AKAP13: variants seen among roughly 807,000 people sequenced by gnomAD.
AKAP13 encodes A-kinase anchor protein 13.
A neutral mutation model predicts 264.5 loss-of-function variants in AKAP13; 80 were observed. The ratio of observed to expected loss-of-function variants is 0.30; its 90% CI spans 0.25 to 0.36. The LOEUF (loss-of-function observed/expected upper bound fraction) is 0.36. AKAP13 is among the 10% of genes least tolerant of loss of function. The pLI, the probability that AKAP13 is intolerant of heterozygous loss-of-function variation, is 1.00. For synonymous variants in AKAP13, 1,380 were observed against 1,250.2 expected (o/e 1.10, Z -2.19); for missense variants, 3,712 against 3,435.2 (o/e 1.08, Z -2.01).
At chr15:85,526,785 C>G (rs1010239867) in intron 3 of AKAP13, among the ~76,000 whole-genome samples, 1 of 152,110 alleles carries the variant, frequency 6.6e-6, no homozygotes, top group African/African-American at 2.4e-5. Context: ...AACAGTCTCC[C>G]TATTCTGAAA....
chr15:85,731,762 T>G (rs1031071736), intron 30 of AKAP13, among the ~76,000 whole-genome samples: 1 of 152,120 alleles, frequency 6.6e-6, no homozygotes, highest in African/African-American at 2.4e-5. Flanking sequence ...GACCCATAGT[T>G]TTTATTATGG....
At chr15:85,410,552 A>G (rs998759887) in intron 1 of AKAP13, among the ~76,000 whole-genome samples, 19 of 151,402 alleles carry the variant, frequency 1.3e-4, no homozygotes, top group Non-Finnish European at 2.4e-4. Flanking sequence ...TTCCCTGGTC[A>G]TTAGTATATT....
rs1274736277 is a variant in AKAP13, at chr15:85,727,250, A to G, written c.7004+3A>G. ...ATTCAGGACACAATCAACACCCTGT[A>G]AGTTAACCACCAGGCCCCACCCTTC... On this transcript the variant is annotated splice_donor_region_variant and intron_variant, in intron 28 of 36. Coordinates refer to ENST00000394518, the MANE Select transcript of AKAP13 (RefSeq NM_007200.5). The surrounding 1 kb of genome is among the most constrained non-coding windows in gnomAD (Gnocchi z 5.3). The G allele has an allele frequency of 1.9e-6, 3 of 1,614,044 alleles. No homozygotes were observed. Among genetic ancestry groups the G allele is most frequent in the Middle Eastern group, 1.6e-4 (1 of 6,084 alleles).
chr15:85,464,100 G>A (rs932680417), intron 1 of AKAP13, among the ~76,000 whole-genome samples: 1 of 152,062 alleles, frequency 6.6e-6, no homozygotes, highest in Non-Finnish European at 1.5e-5. Flanking sequence ...TTCCCACACG[G>A]CGTCTATGAT....
Position 85,580,165 on chromosome 15 carries a change from C to T in AKAP13, c.2097C>T (p.Ser699=). The part of the protein sequence containing the change: ...ESESTTARQP[S]SQDPPDASHC... ...AAAGCACCACAGCAAGGCAACCCAGCTCACAAGATCCACCCGATGCCTCCC... is the reference window on the plus strand; with the variant it reads ...AAAGCACCACAGCAAGGCAACCCAGTTCACAAGATCCACCCGATGCCTCCC... Residue 699 remains serine (S), a synonymous_variant, in exon 7 of 37, where the codon AGC becomes AGT. Coordinates refer to ENST00000394518, the MANE Select transcript of AKAP13 (RefSeq NM_007200.5). 6.2e-7 allele frequency: 1 copy of T among 1,614,250 alleles called. No individual in the cohort carries two copies. Among genetic ancestry groups the T allele is most frequent in the Non-Finnish European group, 8.5e-7 (1 of 1,180,040 alleles).
chr15:85,471,133 T>C (rs1278736402), intron 1 of AKAP13, among the ~76,000 whole-genome samples: 3 of 152,176 alleles, frequency 2.0e-5, no homozygotes, highest in African/African-American at 7.2e-5. Flanking sequence ...TTCAACACAA[T>C]GACACAAAGC....
At chr15:85,535,530 A>G (rs907410323) in intron 4 of AKAP13, 25 of 152,330 alleles carry the variant, frequency 1.6e-4, no homozygotes, top group African/African-American at 5.5e-4. Context: ...CTCATGCCTT[A>G]TATAAACCTG....
At chr15:85,518,156 G>T (rs773339388) in intron 2 of AKAP13, among the ~76,000 whole-genome samples, 2 of 152,150 alleles carry the variant, frequency 1.3e-5, no homozygotes, top group South Asian at 4.1e-4. Context: ...ATTAATACCA[G>T]GGTATTCTTT....
intron 35 of AKAP13, 68 bp downstream of exon 35, chr15:85,741,563 A>G: frequency 6.7e-7 from 1 of 1,487,350 alleles, no homozygotes; most frequent in Non-Finnish European, 8.9e-7. Flanking sequence ...GTATTAAGCA[A>G]GGTAAGAAAG....
chr15:85,668,281 T>C (rs1485248913), intron 13 of AKAP13, among the ~76,000 whole-genome samples: 2 of 152,232 alleles, frequency 1.3e-5, no homozygotes, highest in Non-Finnish European at 2.9e-5. Flanking sequence ...GATTTTTCAC[T>C]GCTTCCCTTT....
intron 8 of AKAP13, among the ~76,000 whole-genome samples, chr15:85,612,328 T>C (rs1332136357): frequency 2.0e-5 from 3 of 152,250 alleles, no homozygotes; most frequent in African/African-American, 7.2e-5. Context: ...AATTATACTT[T>C]AGTAAACCTG....
At chr15:85,452,082 C>T (rs765142904) in intron 1 of AKAP13, among the ~76,000 whole-genome samples, 4 of 151,808 alleles carry the variant, frequency 2.6e-5, no homozygotes, top group East Asian at 3.9e-4. Context: ...TCTTTATTTC[C>T]GTCTGTCTTA....
chr15:85,619,996 C>G, intron 8 of AKAP13: 4 of 1,507,868 alleles, frequency 2.7e-6, no homozygotes, highest in Admixed American at 2.0e-5. Flanking sequence ...ACCACCTAAC[C>G]GTGAGAAATT....
intron 1 of AKAP13, among the ~76,000 whole-genome samples, chr15:85,468,317 T>C (rs1175306757): frequency 1.3e-5 from 2 of 152,202 alleles, no homozygotes; most frequent in Non-Finnish European, 2.9e-5. Flanking sequence ...TAGAGGTATA[T>C]TGAGATTGGA....
chr15:85,705,623 T>A (rs557028639), intron 17 of AKAP13, among the ~76,000 whole-genome samples: 4 of 152,220 alleles, frequency 2.6e-5, no homozygotes, highest in African/African-American at 4.8e-5. Context: ...AAATTAAAAA[T>A]TTTTTTTAAT....
intron 18 of AKAP13, among the ~76,000 whole-genome samples, chr15:85,709,571 C>T (rs749060825): frequency 6.6e-6 from 1 of 152,116 alleles, no homozygotes; most frequent in Non-Finnish European, 1.5e-5. Flanking sequence ...TGATAAGACT[C>T]AATTGTTGTG....
At chr15:85,494,678 A>G (rs967406545) in intron 2 of AKAP13, among the ~76,000 whole-genome samples, 3 of 152,168 alleles carry the variant, frequency 2.0e-5, no homozygotes, top group African/African-American at 4.8e-5. Flanking sequence ...AACTACAGAG[A>G]GAGATTGAGG....
chr15:85,672,501 C>T (rs934364685), intron 14 of AKAP13, among the ~76,000 whole-genome samples: 2 of 152,206 alleles, frequency 1.3e-5, no homozygotes, highest in African/African-American at 4.8e-5. Context: ...TTGCTCCAGG[C>T]TCAAGTGTTC....
chr15:85,622,855 T>C (rs992187427), intron 8 of AKAP13, among the ~76,000 whole-genome samples: 4 of 152,242 alleles, frequency 2.6e-5, no homozygotes, highest in Admixed American at 2.6e-4. Flanking sequence ...ATTCCTCTTA[T>C]TACATGAATA....
Sources: allele counts gnomAD v4.1 joint callset (sites outside exome capture counted in the v4.1 genomes callset), GRCh38; gene constraint gnomAD v4.1.1; non-coding constraint Gnocchi (gnomAD v3.1); transcripts MANE v1.5; gene names NCBI Gene and HGNC (gene_info 2026-07-23, HGNC 2026-07-21).